Variants in MNDA observed in about 807,000 individuals in gnomAD.
MNDA encodes the protein epididymis secretory sperm binding protein.
In MNDA, 43 loss-of-function variants were observed where a neutral mutation model predicts 37.8. The ratio of observed to expected loss-of-function variants is 1.14; its 90% CI spans 0.89 to 1.47. MNDA has a LOEUF of 1.47. Among genes scored for constraint, MNDA ranks in the 40% most tolerant of loss-of-function variants. The probability of loss-of-function intolerance (pLI) is 0.00; values close to 1 mark genes in which losing one functional copy is unlikely to be tolerated. For missense variants in MNDA, 536 were observed against 476.0 expected, an observed-to-expected ratio of 1.13 and a Z score of -1.17; for synonymous variants, 181 against 169.0, an observed-to-expected ratio of 1.07 and a Z score of -0.55.
intron 5 of MNDA, among the ~76,000 whole-genome samples, chr1:158,846,600 G>A (rs1659138725): frequency 6.6e-6 from 1 of 151,958 alleles, no homozygotes; most frequent in Non-Finnish European, 1.5e-5. Context: ...TAAAGGATAA[G>A]GCAATCTCTT....
At chr1:158,848,407 T>G (rs1659183862) in intron 6 of MNDA, among the ~76,000 whole-genome samples, 1 of 151,950 alleles carries the variant, frequency 6.6e-6, no homozygotes, top group Non-Finnish European at 1.5e-5. Flanking sequence ...AGGTAAAAAT[T>G]GGAGGGACTT....
At chr1:158,846,614 A>G (rs1190648333) in intron 5 of MNDA, among the ~76,000 whole-genome samples, 1 of 151,950 alleles carries the variant, frequency 6.6e-6, no homozygotes, top group Non-Finnish European at 1.5e-5. Flanking sequence ...ATCTCTTCAT[A>G]CTATTTACAA....
In MNDA at chr1:158,843,358, A is replaced by T. The variant is rs776777480; in HGVS notation, c.345A>T (p.Ala115=). 6.2e-7 allele frequency: 1 copy of T among 1,612,986 alleles called. No homozygotes were observed. The highest frequency in any genetic ancestry group is 1.7e-5 in the Admixed American group (1 of 59,812). ...AAGAAGTGGGTCTTGCGGCACCTGC[A>T]CCCACCGCAAGAAACAAACTGACAT... ...NQEEVGLAAP[A]PTARNKLTSE... is the part of the protein sequence containing the mutation. Residue 115 remains alanine (A), a synonymous_variant, in exon 3 of 7, where the codon GCA becomes GCT. Transcript: ENST00000368141.
At chr1:158,831,781 T>TAAAAATTA (rs1405201681) in intron 1 of MNDA, among the ~76,000 whole-genome samples, 5 of 152,194 alleles carry the variant, frequency 3.3e-5, no homozygotes, top group African/African-American at 1.2e-4. Context: ...CAGCAGGTTT[T>TAAAAATTA]AAAAATTAAT....
At chr1:158,846,243 T>C (rs1459839969) in intron 5 of MNDA, among the ~76,000 whole-genome samples, 1 of 152,224 alleles carries the variant, frequency 6.6e-6, no homozygotes, top group Non-Finnish European at 1.5e-5. Context: ...TGATCTGTTG[T>C]CAGCCACAAT....
At position 158,848,004 on chromosome 1, in the gene MNDA, C is replaced by T. The variant is rs1659175216; in HGVS notation, c.1176+88C>T. 19 of 1,218,954 alleles carry T rather than the reference C, an allele frequency of 1.6e-5. No homozygotes were observed. In the South Asian group the frequency reaches 2.6e-4, roughly 17 times the overall value. The allele number at this position is 1,218,954 out of a possible 1,614,324, so 75.5% of individuals were successfully genotyped here. ...GGAACACCAGGTTCCTCATGTATTA[C>T]TCAGAGAGTCCAGCGAGTGGAAGGA... On this transcript the variant is annotated intron_variant, in intron 6 of 6. Coordinates refer to ENST00000368141, the MANE Select transcript of MNDA (RefSeq NM_002432.3).
At chr1:158,845,429 T>TG (rs1485370842) in intron 4 of MNDA, among the ~76,000 whole-genome samples, 158 bp from the exon 5 acceptor site, 12 of 151,868 alleles carry the variant, frequency 7.9e-5, no homozygotes, top group African/African-American at 2.7e-4. Flanking sequence ...TTAGTAGAGA[T>TG]GGGGGTTTCA....
chr1:158,839,520 T>G (rs925733090), intron 1 of MNDA, among the ~76,000 whole-genome samples: 4 of 152,166 alleles, frequency 2.6e-5, no homozygotes, highest in Admixed American at 6.5e-5. Flanking sequence ...ATCTGACATT[T>G]AAACTATGCC....
chr1:158,847,567 A>G (rs1659157688), intron 5 of MNDA, among the ~76,000 whole-genome samples, 161 bp from the exon 6 acceptor site: 1 of 152,176 alleles, frequency 6.6e-6, no homozygotes, highest in African/African-American at 2.4e-5. Flanking sequence ...AATGCTGGAT[A>G]ATAAAAGATG....
intron 1 of MNDA, among the ~76,000 whole-genome samples, chr1:158,837,996 TC>T (rs1378951952): frequency 6.6e-6 from 1 of 151,910 alleles, no homozygotes; most frequent in Admixed American, 6.6e-5. Flanking sequence ...CCTTTACAGC[TC>T]CCCAACACAT....
chr1:158,835,022 T>C (rs1658879617), intron 1 of MNDA, among the ~76,000 whole-genome samples: 1 of 152,098 alleles, frequency 6.6e-6, no homozygotes, highest in African/African-American at 2.4e-5. Flanking sequence ...ATTGTGTCTT[T>C]ATAACAAGTT....
rs929491319 is a variant in MNDA at position 158,849,284 on chromosome 1, A to C, written c.*47A>C. ...CAAACAACTTCCGCTTAAAACAATT[A>C]AGTTGTTAATAACTGTGATTTTGTA... On this transcript the variant is annotated 3_prime_UTR_variant, in exon 7 of 7. Coordinates refer to ENST00000368141, the MANE Select transcript of MNDA (RefSeq NM_002432.3). 5.2e-6 allele frequency: 8 copies of C among 1,529,168 alleles called. No individual in the cohort carries two copies. The highest frequency in any genetic ancestry group is 6.3e-6 in the Non-Finnish European group (7 of 1,107,692). 94.7% of individuals were successfully genotyped at this position (1,529,168 alleles called of 1,614,324 possible). A position where few individuals can be genotyped will look rare whatever the true frequency, so the allele number is the denominator to read the frequency against.
intron 4 of MNDA, among the ~76,000 whole-genome samples, chr1:158,844,332 C>T (rs917804249): frequency 1.3e-5 from 2 of 151,520 alleles, no homozygotes; most frequent in East Asian, 3.9e-4. Flanking sequence ...GTGTGTAAAA[C>T]ACCAGGACAG....
At chr1:158,836,239 A>T (rs1468725593) in intron 1 of MNDA, among the ~76,000 whole-genome samples, 1 of 152,026 alleles carries the variant, frequency 6.6e-6, no homozygotes, top group African/African-American at 2.4e-5. Flanking sequence ...ATGCTGAGTC[A>T]TACAATGAGT....
chr1:158,839,184 C>T (rs1055529598), intron 1 of MNDA, among the ~76,000 whole-genome samples: 1 of 152,098 alleles, frequency 6.6e-6, no homozygotes, highest in Non-Finnish European at 1.5e-5. Flanking sequence ...TAAAAACAGC[C>T]CCCTCTCAAC....
intron 1 of MNDA, 45 bp from the exon 2 acceptor site, chr1:158,842,089 T>G: frequency 2.0e-6 from 3 of 1,493,552 alleles, no homozygotes; most frequent in Admixed American, 4.4e-5. Flanking sequence ...TTTTTAAAAT[T>G]GTCTGCATAA....
intron 4 of MNDA, among the ~76,000 whole-genome samples, chr1:158,845,376 T>C (rs1363012598): frequency 6.6e-6 from 1 of 152,170 alleles, no homozygotes; most frequent in Non-Finnish European, 1.5e-5. Context: ...TAGCTGGGAC[T>C]ACAGACGCCC....
rs562499787 is a variant in MNDA, at chr1:158,845,492, G to T, written c.571-95G>T. On this transcript the variant is annotated intron_variant, in intron 4 of 6. Coordinates refer to ENST00000368141, the MANE Select transcript of MNDA (RefSeq NM_002432.3). ...TCTGACCTCGTGATCCACCCGCCTC[G>T]GCTTCCCAAAGTGCTAGGATTACAG... is the stretch of plus-strand genomic sequence containing the variant. 5.6e-6 allele frequency: 7 copies of T among 1,259,872 alleles called. No homozygotes were observed. In the South Asian group the frequency reaches 9.4e-5, roughly 17 times the overall value. The allele number at this position is 1,259,872 out of a possible 1,614,324, so 78.0% of individuals were successfully genotyped here. A position where few individuals can be genotyped will look rare whatever the true frequency, so the allele number is the denominator to read the frequency against.
At chr1:158,846,271 G>C (rs901284092) in intron 5 of MNDA, among the ~76,000 whole-genome samples, 2 of 152,122 alleles carry the variant, frequency 1.3e-5, no homozygotes, top group Non-Finnish European at 2.9e-5. Context: ...GACAATACAG[G>C]GTCCAAATCA....
Sources: allele counts gnomAD v4.1 joint callset (sites outside exome capture counted in the v4.1 genomes callset), GRCh38; gene constraint gnomAD v4.1.1; transcripts MANE v1.5; gene names NCBI Gene and HGNC (gene_info 2026-07-23, HGNC 2026-07-21).